The following UBE2D2 variants were observed in gnomAD, a reference collection of about 807,000 sequenced individuals.
UBE2D2 encodes ubiquitin conjugating enzyme E2 D2, also known as ubiquitin-conjugating enzyme E2 D2.
A neutral mutation model predicts 24.2 loss-of-function variants in UBE2D2; 2 were observed. The ratio of observed to expected loss-of-function variants is 0.08; its 90% CI spans 0.03 to 0.26. UBE2D2 has a LOEUF of 0.26. Among genes scored for constraint, UBE2D2 ranks in the 10% least tolerant of loss-of-function variants. UBE2D2 has a pLI of 1.00. For synonymous variants in UBE2D2, 58 were observed against 56.5 expected, an observed-to-expected ratio of 1.03 and a Z score of -0.12; for missense variants, 44 against 177.6, an observed-to-expected ratio of 0.25 and a Z score of 4.28.
intron 1 of UBE2D2, among the ~76,000 whole-genome samples, chr5:139,533,675 A>G (rs1006762893): frequency 6.6e-6 from 1 of 152,062 alleles, no homozygotes; most frequent in African/African-American, 2.4e-5. Flanking sequence ...AAGAAAAGAA[A>G]AGAAAAGGAT....
chr5:139,536,605 C>G lies in UBE2D2; in HGVS notation c.-64+9993C>G, dbSNP rs559469355. ...TCCTGAGCTCAGGCAATTCACCCCCCTCAGCTTCCCAAAGTGCTAGGATTA... is the reference window on the plus strand; with the variant it reads ...TCCTGAGCTCAGGCAATTCACCCCCGTCAGCTTCCCAAAGTGCTAGGATTA... On this transcript the variant is annotated intron_variant, in intron 1 of 6. Transcript: ENST00000511725. 4.6e-5 allele frequency among the ~76,000 whole-genome samples: 7 copies of G among 152,072 alleles called. 1 individual carries two copies. The highest frequency in any genetic ancestry group is 8.8e-5 in the Non-Finnish European group (6 of 68,016).
intron 1 of UBE2D2, among the ~76,000 whole-genome samples, chr5:139,537,792 T>G (rs1050563329): frequency 6.6e-6 from 1 of 151,612 alleles, no homozygotes; most frequent in Non-Finnish European, 1.5e-5. Flanking sequence ...GTGAGACCCC[T>G]TCTCTACTAA....
At chr5:139,526,437 T>C (rs1043993234) in exon 1 of UBE2D2, 2 of 152,268 alleles carry the variant, frequency 1.3e-5, no homozygotes, top group East Asian at 3.8e-4. Flanking sequence ...GGAGCATCCC[T>C]GTGGGGGACT....
At chr5:139,611,321 G>T (rs1204153214) in intron 2 of UBE2D2, among the ~76,000 whole-genome samples, 1 of 151,524 alleles carries the variant, frequency 6.6e-6, no homozygotes, top group East Asian at 1.9e-4. Context: ...TGAGTAGCTG[G>T]GATTACAGAC....
At chr5:139,551,167 A>G (rs184671512) in intron 1 of UBE2D2, among the ~76,000 whole-genome samples, 1 of 152,208 alleles carries the variant, frequency 6.6e-6, no homozygotes, top group Non-Finnish European at 1.5e-5. Context: ...CAATATAGTG[A>G]AACCCCATCT....
At chr5:139,551,666 A>T (rs531595957) in intron 1 of UBE2D2, among the ~76,000 whole-genome samples, 1 of 152,226 alleles carries the variant, frequency 6.6e-6, no homozygotes, top group Non-Finnish European at 1.5e-5. Flanking sequence ...CAGAGACAAG[A>T]TCTCTGCCCT....
At chr5:139,600,573 A>G (rs1347053130) in intron 2 of UBE2D2, 138 bp downstream of exon 2, 6 of 782,716 alleles carry the variant, frequency 7.7e-6, no homozygotes, top group Non-Finnish European at 1.0e-5. Flanking sequence ...TCATCCCATT[A>G]TCATCTGTGT....
chr5:139,621,026 C>G (rs1318374315), intron 5 of UBE2D2, among the ~76,000 whole-genome samples: 4 of 152,240 alleles, frequency 2.6e-5, no homozygotes, highest in Non-Finnish European at 5.9e-5. Context: ...AGGTGGATCA[C>G]TTGAGCCTAG....
chr5:139,561,848 C>A (rs1251959815), intron 1 of UBE2D2, 33 bp downstream of exon 1: 2 of 1,471,356 alleles, frequency 1.4e-6, no homozygotes, highest in Admixed American at 2.6e-5. Flanking sequence ...CGCTGCTGGC[C>A]AGCTGAGCAG....
chr5:139,547,502 C>T (rs1752849161), intron 1 of UBE2D2, among the ~76,000 whole-genome samples: 1 of 151,780 alleles, frequency 6.6e-6, no homozygotes, highest in Admixed American at 6.6e-5. Flanking sequence ...GCGTGGGCCA[C>T]CATGCCTGGC....
chr5:139,607,265 A>T (rs902401892), intron 2 of UBE2D2, among the ~76,000 whole-genome samples: 1 of 152,220 alleles, frequency 6.6e-6, no homozygotes, highest in African/African-American at 2.4e-5. Flanking sequence ...ATATTCAACC[A>T]GTGTGACAAA....
At chr5:139,527,622 AAG>A (rs756627318) in intron 1 of UBE2D2, among the ~76,000 whole-genome samples, 10 of 152,360 alleles carry the variant, frequency 6.6e-5, no homozygotes, top group Non-Finnish European at 1.3e-4. Flanking sequence ...TTTATATAAA[AAG>A]AGTTATATGA....
At chr5:139,596,952 C>T (rs1445619194) in intron 1 of UBE2D2, among the ~76,000 whole-genome samples, 5 of 151,746 alleles carry the variant, frequency 3.3e-5, no homozygotes, top group Non-Finnish European at 7.4e-5. Flanking sequence ...GAGGCTGAGG[C>T]AGGAGAATGG....
At chr5:139,599,248 T>C (rs1754020962) in intron 1 of UBE2D2, among the ~76,000 whole-genome samples, 1 of 151,908 alleles carries the variant, frequency 6.6e-6, no homozygotes, top group East Asian at 1.9e-4. Flanking sequence ...AATATATTCC[T>C]TCAAAGTTTT....
chr5:139,584,118 A>G (rs551875791), intron 1 of UBE2D2, among the ~76,000 whole-genome samples: 1 of 152,290 alleles, frequency 6.6e-6, no homozygotes, highest in Admixed American at 6.5e-5. Flanking sequence ...AGTCTTGCAG[A>G]CTTTGTTCAT....
chr5:139,623,578 C>G (rs1008526334), intron 6 of UBE2D2, 117 bp downstream of exon 6: 1 of 707,904 alleles, frequency 1.4e-6, no homozygotes, highest in Non-Finnish European at 2.4e-6. Flanking sequence ...TCCTAATATA[C>G]TCTCCTGGGG....
chr5:139,561,831 T>A lies in UBE2D2; in HGVS notation c.24+16T>A. The A allele has an allele frequency of 3.4e-6, 5 of 1,452,838 alleles. No individual in the cohort carries two copies. In the South Asian group the frequency reaches 5.6e-5, roughly 16 times the overall value. The allele number at this position is 1,452,838 out of a possible 1,614,324, so 90.0% of individuals were successfully genotyped here. ...AATCCACAAGGTAAGCGGCCGGAGG[T>A]CGGCTGCGCTGCTGGCCAGCTGAGC... On this transcript the variant is annotated intron_variant, in intron 1 of 6. Transcript: ENST00000398733.
At chr5:139,550,595 T>C (rs760607796) in intron 1 of UBE2D2, among the ~76,000 whole-genome samples, 15 of 152,036 alleles carry the variant, frequency 9.9e-5, no homozygotes, top group Non-Finnish European at 1.3e-4. Flanking sequence ...TTTTTTGATC[T>C]TTGAGATAAC....
At chr5:139,553,225 CA>C (rs1752943911) in intron 1 of UBE2D2, among the ~76,000 whole-genome samples, 1 of 152,186 alleles carries the variant, frequency 6.6e-6, no homozygotes, top group Non-Finnish European at 1.5e-5. Flanking sequence ...AAAAAGGGAT[CA>C]TACTGATGCA....
Sources: allele counts gnomAD v4.1 joint callset (sites outside exome capture counted in the v4.1 genomes callset), GRCh38; gene constraint gnomAD v4.1.1; transcripts MANE v1.5; gene names NCBI Gene and HGNC (gene_info 2026-07-23, HGNC 2026-07-21).